Variants in IGSF21 observed in about 807,000 individuals in gnomAD.
The protein encoded by IGSF21 is immunoglobulin superfamily member 21.
Under a neutral mutation model 46.8 loss-of-function variants are expected in IGSF21, and 28 were observed. That is an observed-to-expected ratio of 0.60 (90% CI 0.44 to 0.82). The LOEUF is 0.82. Ranked by LOEUF, IGSF21 falls within the 40% of genes least tolerant of loss-of-function variation. IGSF21 has a pLI of 0.00. For missense variants in IGSF21, 624 were observed against 665.5 expected (o/e 0.94, Z 0.69); for synonymous variants, 284 against 273.6 (o/e 1.04, Z -0.38).
chr1:18,323,239 C>G (rs614593), intron 3 of IGSF21, among the ~76,000 whole-genome samples: 13,956 of 152,182 alleles, frequency 0.092, 1,736 homozygotes, highest in African/African-American at 0.28. Flanking sequence ...GGGTGTCCCT[C>G]TAGTCAGGAG....
chr1:18,242,299 C>T (rs2084739025), intron 2 of IGSF21, among the ~76,000 whole-genome samples: 1 of 152,186 alleles, frequency 6.6e-6, no homozygotes, highest in Non-Finnish European at 1.5e-5. Context: ...GCATGCCCCT[C>T]CCAAGCTGGA....
chr1:18,151,798 C>T (rs1440530069), intron 1 of IGSF21, among the ~76,000 whole-genome samples: 1 of 152,078 alleles, frequency 6.6e-6, no homozygotes, highest in African/African-American at 2.4e-5. Flanking sequence ...CAGTTTCTGC[C>T]CCACAACCTA....
At position 18,138,814 on chromosome 1, in the gene IGSF21, G is replaced by A. The variant is rs146986858; in HGVS notation, c.70+30616G>A. 1.3e-3 allele frequency among the ~76,000 whole-genome samples: 193 copies of A among 152,336 alleles called. 1 individual carries two copies. Among genetic ancestry groups the A allele is most frequent in the African/African-American group, 3.9e-3 (162 of 41,586 alleles). On this transcript the variant is annotated intron_variant, in intron 1 of 9. Transcript: ENST00000251296. ...GCACTTACTATGAGCCAGGATGCCC[G>A]CTAAGGCCCTTCCCTGAATTAGCTA...
intron 2 of IGSF21, among the ~76,000 whole-genome samples, chr1:18,236,565 A>G (rs905572639): frequency 2.0e-5 from 3 of 152,156 alleles, no homozygotes; most frequent in African/African-American, 7.2e-5. Flanking sequence ...CAAATCTGGA[A>G]TGTTGGGGAG....
At chr1:18,244,333 C>T (rs1190520093) in intron 2 of IGSF21, among the ~76,000 whole-genome samples, 1 of 152,216 alleles carries the variant, frequency 6.6e-6, no homozygotes, top group South Asian at 2.1e-4. Context: ...TGGAATTCAC[C>T]TCCCTCTCCC....
chr1:18,166,152 C>T (rs1191578825), intron 1 of IGSF21, among the ~76,000 whole-genome samples: 1 of 152,210 alleles, frequency 6.6e-6, no homozygotes, highest in Non-Finnish European at 1.5e-5. Flanking sequence ...AGGGAACAAG[C>T]ATTCCTAACA....
chr1:18,215,230 T>C (rs1392131669), intron 1 of IGSF21, among the ~76,000 whole-genome samples: 1 of 152,186 alleles, frequency 6.6e-6, no homozygotes, highest in Non-Finnish European at 1.5e-5. Flanking sequence ...AACTTATTAG[T>C]TCATTCATGG....
chr1:18,126,349 G>C (rs2086274514), intron 1 of IGSF21, among the ~76,000 whole-genome samples: 2 of 152,170 alleles, frequency 1.3e-5, no homozygotes. Context: ...TCTGGGCTGG[G>C]GGAGGTTCTG....
intron 2 of IGSF21, among the ~76,000 whole-genome samples, chr1:18,273,468 CTTTCTTTCTTTCTT>C (rs2085068724): frequency 8.8e-5 from 2 of 22,672 alleles, no homozygotes; most frequent in Non-Finnish European, 2.1e-4. Flanking sequence ...CTCTCTCTTT[CTTTCTTTCTTTCTT>C]TCTTTCTTTC....
intron 1 of IGSF21, among the ~76,000 whole-genome samples, chr1:18,198,188 G>T (rs963226478): frequency 6.6e-6 from 1 of 152,190 alleles, no homozygotes; most frequent in Non-Finnish European, 1.5e-5. Flanking sequence ...TGAACACGGG[G>T]TTGACTGGAC....
At chr1:18,181,174 A>G (rs2086854232) in intron 1 of IGSF21, among the ~76,000 whole-genome samples, 1 of 152,054 alleles carries the variant, frequency 6.6e-6, no homozygotes, top group Non-Finnish European at 1.5e-5. Flanking sequence ...GTGGTGGTGG[A>G]TCCTCGGTCG....
Position 18,273,331 on chromosome 1 carries a change from A to ATTCATTTCCT in IGSF21, c.184-18532_184-18531insATTTCCTTTC, listed in dbSNP as rs2085061778. Among the ~76,000 whole-genome samples the ATTCATTTCCT allele has an allele frequency of 4.5e-3, 242 of 54,172 alleles. 17 individuals are homozygous for ATTCATTTCCT. The highest frequency in any genetic ancestry group is 0.021 in the South Asian group (28 of 1,350). 35.5% of individuals were successfully genotyped at this position (54,172 alleles called of 152,430 possible). On this transcript the variant is annotated intron_variant, in intron 2 of 9. Transcript: ENST00000251296. ...ACTGGGATTACAGGCATGAGCCACC[A>ATTCATTTCCT]TTCCTTTCCTTTCCTTTCCTTTCCT...
At chr1:18,325,745 G>C (rs1203670111) in intron 3 of IGSF21, among the ~76,000 whole-genome samples, 1 of 152,152 alleles carries the variant, frequency 6.6e-6, no homozygotes, top group South Asian at 2.1e-4. Flanking sequence ...GCCCTTTCCT[G>C]CCTGTCTCCA....
intron 1 of IGSF21, among the ~76,000 whole-genome samples, chr1:18,207,845 A>G (rs1275522580): frequency 6.6e-6 from 1 of 152,130 alleles, no homozygotes; most frequent in Non-Finnish European, 1.5e-5. Flanking sequence ...TGTTTCATAA[A>G]TATTTGTCCA....
chr1:18,332,655 G>A (rs1483388919), intron 3 of IGSF21, among the ~76,000 whole-genome samples: 1 of 152,132 alleles, frequency 6.6e-6, no homozygotes, highest in African/African-American at 2.4e-5. Context: ...ATGTCACTGC[G>A]CTCTTTATTC....
chr1:18,166,320 T>C (rs2086678159), intron 1 of IGSF21, among the ~76,000 whole-genome samples: 1 of 152,182 alleles, frequency 6.6e-6, no homozygotes, highest in African/African-American at 2.4e-5. Flanking sequence ...TGAGTGTTTA[T>C]CTTTGCCTGG....
At position 18,306,971 on chromosome 1, in the gene IGSF21, G is replaced by T. The variant is rs1466396102; in HGVS notation, c.305+14984G>T. ...CCACCTTCCAGGAACCCAGTCAGCC[G>T]ATTGGTTCTGCGTATTCGCATTTGG... is the stretch of plus-strand genomic sequence containing the variant. On this transcript the variant is annotated intron_variant, in intron 3 of 9. Coordinates refer to ENST00000251296, the MANE Select transcript of IGSF21 (RefSeq NM_032880.5). Among the ~76,000 whole-genome samples the T allele has an allele frequency of 2.0e-5, 3 of 152,318 alleles. No homozygotes were observed. In the South Asian group the frequency reaches 6.2e-4, roughly 32 times the overall value.
In IGSF21 at chr1:18,230,957, C is replaced by T. The variant is rs1038208036; in HGVS notation, c.183+2947C>T. ...CCCCCTCCTCCAAGCAGGGAGCTGC[C>T]GAGTGCTGTTTGTTTTCTGTACGTG... On this transcript the variant is annotated intron_variant, in intron 2 of 9. Transcript: ENST00000251296. Among the ~76,000 whole-genome samples, 5 of 151,784 alleles carry T rather than the reference C, an allele frequency of 3.3e-5. No homozygotes were observed. The East Asian group carries it at 5.9e-4, about 18-fold the overall frequency.
At chr1:18,206,995 C>A (rs1401200903) in intron 1 of IGSF21, among the ~76,000 whole-genome samples, 1 of 152,190 alleles carries the variant, frequency 6.6e-6, no homozygotes, top group Non-Finnish European at 1.5e-5. Flanking sequence ...CTGGGGCTCA[C>A]AAGGTCAAAA....
Sources: gnomAD v4.1 joint callset for allele counts (sites outside exome capture counted in the v4.1 genomes callset) on GRCh38, gnomAD v4.1.1 for gene constraint, MANE v1.5 for transcripts, NCBI Gene and HGNC (gene_info 2026-07-23, HGNC 2026-07-21) for gene names.